SCARB1: variants seen among roughly 807,000 people sequenced by gnomAD.
SCARB1 encodes scavenger receptor class B member 1.
A neutral mutation model predicts 57.2 loss-of-function variants in SCARB1; 30 were observed. The observed-to-expected ratio is 0.52, with a 90% CI of 0.39 to 0.71. SCARB1 has a LOEUF of 0.71. SCARB1 is among the 30% of genes least tolerant of loss of function. SCARB1 has a pLI of 0.00. For missense variants in SCARB1, 543 were observed against 671.2 expected, an observed-to-expected ratio of 0.81 and a Z score of 2.11; for synonymous variants, 249 against 268.3, an observed-to-expected ratio of 0.93 and a Z score of 0.70.
intron 1 of SCARB1, among the ~76,000 whole-genome samples, chr12:124,848,399 T>G (rs995973118): frequency 2.6e-5 from 4 of 152,194 alleles, no homozygotes; most frequent in African/African-American, 9.6e-5. Context: ...AATTTTTTAA[T>G]GAACAACTAT....
At chr12:124,843,816 C>T (rs1226455871) in intron 1 of SCARB1, among the ~76,000 whole-genome samples, 2 of 152,176 alleles carry the variant, frequency 1.3e-5, no homozygotes, top group Non-Finnish European at 2.9e-5. Context: ...CAGACCCCCA[C>T]CTGAGGACTT....
chr12:124,801,546 G>A (rs1198249032), intron 7 of SCARB1, among the ~76,000 whole-genome samples: 5 of 152,222 alleles, frequency 3.3e-5, no homozygotes, highest in African/African-American at 1.2e-4. Flanking sequence ...TCTTTGGGAG[G>A]CCAAGGCGGG....
At chr12:124,820,829 A>G (rs1427123040) in intron 1 of SCARB1, among the ~76,000 whole-genome samples, 1 of 152,260 alleles carries the variant, frequency 6.6e-6, no homozygotes, top group African/African-American at 2.4e-5. Context: ...AGGTATGTTC[A>G]GCACCTGGAT....
Position 124,808,020 on chromosome 12 carries a change from C to T in SCARB1, c.843-93G>A, listed in dbSNP as rs1257406085. 3.1e-6 allele frequency: 4 copies of T among 1,291,574 alleles called. No individual in the cohort carries two copies. The African/African-American group carries it at 4.4e-5, about 14-fold the overall frequency. The allele number at this position is 1,291,574 out of a possible 1,614,324, so 80.0% of individuals were successfully genotyped here. A position where few individuals can be genotyped will look rare whatever the true frequency, so the allele number is the denominator to read the frequency against. On this transcript the variant is annotated intron_variant, in intron 6 of 12. Coordinates refer to ENST00000261693, the MANE Select transcript of SCARB1 (RefSeq NM_005505.5). Reference sequence around the variant, plus strand: ...GCTGCCCAGATCCAGCCACTTCTCCCCACGGGCGCTACCACCTCCCGGGTC... The same window carrying T: ...GCTGCCCAGATCCAGCCACTTCTCCTCACGGGCGCTACCACCTCCCGGGTC...
At chr12:124,795,290 G>A in intron 8 of SCARB1, 22 bp from the exon 9 acceptor site, 2 of 1,605,832 alleles carry the variant, frequency 1.2e-6, no homozygotes, top group Non-Finnish European at 1.7e-6. Context: ...AACACAGTGA[G>A]GAGACTGGCC....
intron 1 of SCARB1, among the ~76,000 whole-genome samples, chr12:124,825,597 G>A (rs1167992704): frequency 5.3e-5 from 8 of 151,326 alleles, no homozygotes; most frequent in Non-Finnish European, 1.0e-4. Context: ...CTTGAGCCCA[G>A]GAGGCGGAGG....
At chr12:124,855,313 C>T (rs540745253) in intron 1 of SCARB1, among the ~76,000 whole-genome samples, 1 of 152,104 alleles carries the variant, frequency 6.6e-6, no homozygotes, top group South Asian at 2.1e-4. Context: ...GGCCTTGGGC[C>T]ATGAGGCTTC....
At chr12:124,828,124 A>ATT (rs879695201) in intron 1 of SCARB1, among the ~76,000 whole-genome samples, 5 of 146,758 alleles carry the variant, frequency 3.4e-5, no homozygotes, top group African/African-American at 1.2e-4. Context: ...TTAAGAAGGG[A>ATT]TTTTTTTTTT....
At position 124,807,674 on chromosome 12, in the gene SCARB1, T is replaced by C; in HGVS notation, c.1009+87A>G. 2.3e-6 allele frequency: 3 copies of C among 1,299,456 alleles called. No individual in the cohort carries two copies. In the South Asian group the frequency reaches 3.7e-5, roughly 16 times the overall value. 80.5% of individuals were successfully genotyped at this position (1,299,456 alleles called of 1,614,324 possible). On this transcript the variant is annotated intron_variant, in intron 7 of 12. Coordinates refer to ENST00000261693, the MANE Select transcript of SCARB1 (RefSeq NM_005505.5). The surrounding 1 kb of genome is among the most constrained non-coding windows in gnomAD (Gnocchi z 5.3). ...TTATCAAGAGTACAGAGGCCAGAGA[T>C]TAAGCAGACAGCACTGGGCAGATAA... is the stretch of plus-strand genomic sequence containing the variant.
chr12:124,815,060 G>A lies in SCARB1; in HGVS notation c.339C>T (p.Phe113=). The stretch of plus-strand genomic sequence containing the variant: ...GGAACTGGAAGGTGCGGTACTCGAG[G>A]AAGGACACGGTGTCGTTGTTGTTGA... ...ITFNNNDTVS[F]LEYRTFQFQP... Residue 113 remains phenylalanine (F), a synonymous_variant, in exon 3 of 13, where the codon TTC becomes TTT. Coordinates refer to ENST00000261693, the MANE Select transcript of SCARB1 (RefSeq NM_005505.5). 1 of 1,614,222 alleles carries A rather than the reference G, an allele frequency of 6.2e-7. No individual in the cohort carries two copies. The highest frequency in any genetic ancestry group is 1.1e-5 in the South Asian group (1 of 91,082).
Position 124,800,287 on chromosome 12 carries a change from T to C in SCARB1, c.1010-45A>G, listed in dbSNP as rs1319245889. 6.9e-7 allele frequency: 1 copy of C among 1,453,600 alleles called. No individual in the cohort carries two copies. Among genetic ancestry groups the C allele is most frequent in the East Asian group, 2.3e-5 (1 of 43,922 alleles). 90.0% of individuals were successfully genotyped at this position (1,453,600 alleles called of 1,614,324 possible). On this transcript the variant is annotated intron_variant, in intron 7 of 12. Transcript: ENST00000261693. The surrounding 1 kb of genome is among the most constrained non-coding windows in gnomAD (Gnocchi z 4.8). ...GGGACATCAGACAAGGACAGTATAT[T>C]GGCAGGTCCTGCCAGGCCGGAGGTC...
intron 9 of SCARB1, among the ~76,000 whole-genome samples, chr12:124,793,660 T>C (rs1490706381): frequency 1.5e-5 from 2 of 129,140 alleles, no homozygotes; most frequent in East Asian, 2.3e-4. Flanking sequence ...GCCACTGCAC[T>C]CCAGCCTGGG....
At chr12:124,835,414 C>T (rs1037227422) in intron 1 of SCARB1, among the ~76,000 whole-genome samples, 1 of 151,956 alleles carries the variant, frequency 6.6e-6, no homozygotes, top group African/African-American at 2.4e-5. Context: ...CTTCTGTCAC[C>T]ATACTCAGCT....
Position 124,817,642 on chromosome 12 carries a change from A to G in SCARB1, c.192T>C (p.Tyr64=), listed in dbSNP as rs747182113. The G allele has an allele frequency of 2.5e-6, 4 of 1,614,170 alleles. No homozygotes were observed. The Admixed American group carries it at 5.0e-5, about 20-fold the overall frequency. The change falls in exon 2 of 13, where the codon TAT becomes TAC. Residue 64 remains tyrosine (Y), a synonymous_variant. Transcript: ENST00000261693. The surrounding 1 kb of genome is among the most constrained non-coding windows in gnomAD (Gnocchi z 4.8). The stretch of plus-strand genomic sequence containing the variant: ...TGACGTCAAAGAAGTAGACGGAGAG[A>G]TAGAAGGGGATAGGGATCTCCTTCC... ...NMWKEIPIPF[Y]LSVYFFDVMN...
chr12:124,786,507 A>G lies in SCARB1; in HGVS notation c.1255-4T>C, dbSNP rs908650658. 11 of 1,613,810 alleles carry G rather than the reference A, an allele frequency of 6.8e-6. No homozygotes were observed. The highest frequency in any genetic ancestry group is 6.7e-5 in the Admixed American group (4 of 60,004). ...TCTCCCCCTCCATGGCCCCGCTCTG[A>G]GGAGACAGAATGACAAACACATGAG... On this transcript the variant is annotated splice_polypyrimidine_tract_variant and splice_region_variant and intron_variant, in intron 10 of 12. Transcript: ENST00000261693.
intron 12 of SCARB1, among the ~76,000 whole-genome samples, chr12:124,778,956 ATTT>A (rs1594160274): frequency 6.6e-6 from 1 of 151,992 alleles, no homozygotes; most frequent in African/African-American, 2.4e-5. Flanking sequence ...GTGTTGATTT[ATTT>A]TTTATTTTTT....
intron 9 of SCARB1, among the ~76,000 whole-genome samples, chr12:124,793,914 G>A (rs1949829740): frequency 1.3e-5 from 2 of 152,062 alleles, no homozygotes; most frequent in Non-Finnish European, 1.5e-5. Context: ...CAACTCAAAC[G>A]TCCATCAACC....
intron 1 of SCARB1, among the ~76,000 whole-genome samples, chr12:124,858,752 G>A (rs528390407): frequency 9.4e-4 from 143 of 151,922 alleles, no homozygotes; most frequent in African/African-American, 3.4e-3. Flanking sequence ...GGTGGCGGGC[G>A]CCTGTAGTCC....
rs1279688476 is a variant in SCARB1 at position 124,800,860 on chromosome 12, G to A, written c.1010-618C>T. ...AACACCAGCTCACCCTCGGGACAATGGACAACAGGCCTGAAGGACAAGTTA... is the reference window on the plus strand; with the variant it reads ...AACACCAGCTCACCCTCGGGACAATAGACAACAGGCCTGAAGGACAAGTTA... On this transcript the variant is annotated intron_variant, in intron 7 of 12. Transcript: ENST00000261693. This position sits in a 1 kb window ranked among gnomAD's most constrained non-coding sequence, Gnocchi z 4.8. Among the ~76,000 whole-genome samples the A allele has an allele frequency of 6.6e-6, 1 of 152,200 alleles. No homozygotes were observed. Among genetic ancestry groups the A allele is most frequent in the African/African-American group, 2.4e-5 (1 of 41,442 alleles).
Sources: allele counts gnomAD v4.1 joint callset (sites outside exome capture counted in the v4.1 genomes callset), GRCh38; gene constraint gnomAD v4.1.1; non-coding constraint Gnocchi (gnomAD v3.1); transcripts MANE v1.5; gene names NCBI Gene and HGNC (gene_info 2026-07-23, HGNC 2026-07-21).